GRM1: variants seen among roughly 807,000 people sequenced by gnomAD.
GRM1 encodes glutamate metabotropic receptor 1.
GRM1 carries 33 observed loss-of-function variants against 90.9 expected under a neutral mutation model. That is an observed-to-expected ratio of 0.36 (90% confidence interval 0.28 to 0.49). The LOEUF (loss-of-function observed/expected upper bound fraction) is 0.49. GRM1 is among the 20% of genes least tolerant of loss of function. The pLI is 0.99. For missense variants in GRM1, 1,190 were observed against 1,534.3 expected (o/e 0.78, Z 3.75); for synonymous variants, 700 against 613.2 (o/e 1.14, Z -2.09).
chr6:146,388,465 A>G (rs527603693), intron 6 of GRM1, among the ~76,000 whole-genome samples: 2 of 152,208 alleles, frequency 1.3e-5, no homozygotes, highest in Admixed American at 1.3e-4. Context: ...AGGTAAGTAG[A>G]ACTAGGTCAC....
At chr6:146,112,002 A>G (rs1029387628) in intron 1 of GRM1, among the ~76,000 whole-genome samples, 3 of 152,248 alleles carry the variant, frequency 2.0e-5, no homozygotes, top group Admixed American at 6.5e-5. Flanking sequence ...GTGGCACTCT[A>G]TGACACACAT....
chr6:146,357,829 G>C (rs1785649018), intron 5 of GRM1, 135 bp downstream of exon 5: 1 of 740,302 alleles, frequency 1.4e-6, no homozygotes. Context: ...TTTGGCTCTT[G>C]AGTTTAGGTA....
At chr6:146,330,376 T>C (rs763915344) in intron 3 of GRM1, among the ~76,000 whole-genome samples, 12 of 152,168 alleles carry the variant, frequency 7.9e-5, no homozygotes, top group Non-Finnish European at 1.6e-4. Context: ...AGGGAAACAA[T>C]GTAAAATTAT....
rs149622015 is a variant in GRM1, at chr6:146,381,918, T to G, written c.1603-4972T>G. ...AATCCATTTCCGGTTGCTTCAGAAA[T>G]GTAGTCCCAAAGTGGACATTTAATT... is the stretch of plus-strand genomic sequence containing the variant. On this transcript the variant is annotated intron_variant, in intron 5 of 7. Transcript: ENST00000282753. Among the ~76,000 whole-genome samples, 683 of 152,326 alleles carry G rather than the reference T, an allele frequency of 4.5e-3. 5 individuals are homozygous for G. The highest frequency in any genetic ancestry group is 5.3e-3 in the Non-Finnish European group (361 of 68,026).
chr6:146,415,006 G>T lies in GRM1; in HGVS notation c.2660+15307G>T, dbSNP rs547203122. 7.9e-5 allele frequency among the ~76,000 whole-genome samples: 12 copies of T among 152,176 alleles called. No homozygotes were observed. In the South Asian group the frequency reaches 1.5e-3, roughly 18 times the overall value. On this transcript the variant is annotated intron_variant, in intron 7 of 7. Coordinates refer to ENST00000282753, the MANE Select transcript of GRM1 (RefSeq NM_001278064.2). ...ATTATTACTGTATTGCATTATTACT[G>T]TACTACATCTTGTAATACATAAGCA...
chr6:146,281,452 G>A (rs547634600), intron 2 of GRM1, among the ~76,000 whole-genome samples: 2 of 152,210 alleles, frequency 1.3e-5, no homozygotes, highest in African/African-American at 2.4e-5. Flanking sequence ...CCCACTGAGC[G>A]AACTCAGACT....
intron 3 of GRM1, among the ~76,000 whole-genome samples, chr6:146,320,653 A>G (rs1362876368): frequency 6.6e-6 from 1 of 151,412 alleles, no homozygotes; most frequent in Non-Finnish European, 1.5e-5. Context: ...AGAACTTGTT[A>G]TTGTTCTATT....
intron 7 of GRM1, among the ~76,000 whole-genome samples, chr6:146,424,683 G>T (rs933628816): frequency 5.9e-5 from 9 of 152,216 alleles, no homozygotes; most frequent in Non-Finnish European, 1.3e-4. Flanking sequence ...CCGTGAAGCT[G>T]GTCCTGCCAG....
At chr6:146,179,998 A>G (rs1342802439) in intron 2 of GRM1, among the ~76,000 whole-genome samples, 1 of 152,122 alleles carries the variant, frequency 6.6e-6, no homozygotes, top group African/African-American at 2.4e-5. Context: ...TAAGAAAAAA[A>G]TTAACTGGAG....
intron 3 of GRM1, among the ~76,000 whole-genome samples, chr6:146,320,867 T>A (rs1055574094): frequency 6.6e-6 from 1 of 152,182 alleles, no homozygotes; most frequent in Non-Finnish European, 1.5e-5. Context: ...CTTTTCTTCT[T>A]TATTAGTCTG....
intron 1 of GRM1, among the ~76,000 whole-genome samples, chr6:146,039,058 G>A (rs1231630758): frequency 6.6e-6 from 1 of 151,938 alleles, no homozygotes. Context: ...ATGTTTTGTA[G>A]CACATTCTTT....
chr6:146,105,683 A>G (rs1777202719), intron 1 of GRM1, among the ~76,000 whole-genome samples: 1 of 152,232 alleles, frequency 6.6e-6, no homozygotes, highest in Non-Finnish European at 1.5e-5. Flanking sequence ...TTAGCATAGT[A>G]TATGTATTTT....
At chr6:146,048,937 T>G (rs200810718) in intron 1 of GRM1, among the ~76,000 whole-genome samples, 2 of 151,948 alleles carry the variant, frequency 1.3e-5, no homozygotes, top group East Asian at 3.9e-4. Flanking sequence ...TTTTTGTTGT[T>G]TAAGCCACCC....
chr6:146,150,658 T>C (rs1467350268), intron 1 of GRM1, among the ~76,000 whole-genome samples: 1 of 152,150 alleles, frequency 6.6e-6, no homozygotes, highest in African/African-American at 2.4e-5. Flanking sequence ...GATATTCATT[T>C]TATCTAGCTG....
chr6:146,054,972 G>A (rs1775430978), intron 1 of GRM1, among the ~76,000 whole-genome samples: 1 of 151,932 alleles, frequency 6.6e-6, no homozygotes, highest in South Asian at 2.1e-4. Context: ...GGGGGTGGAG[G>A]GGAGCTGAGT....
intron 1 of GRM1, among the ~76,000 whole-genome samples, chr6:146,135,642 T>G (rs1017014993): frequency 6.6e-6 from 1 of 152,170 alleles, no homozygotes; most frequent in African/African-American, 2.4e-5. Context: ...AGGGCTTTTA[T>G]TTTATTTTTA....
intron 1 of GRM1, among the ~76,000 whole-genome samples, chr6:146,090,560 A>T (rs1776681862): frequency 6.6e-6 from 1 of 152,068 alleles, no homozygotes. Flanking sequence ...GAGCAAAATA[A>T]ACTCTCTTAA....
intron 3 of GRM1, among the ~76,000 whole-genome samples, chr6:146,315,243 A>T (rs1383928313): frequency 6.6e-6 from 1 of 152,090 alleles, no homozygotes; most frequent in East Asian, 1.9e-4. Flanking sequence ...AAACAATCTA[A>T]ATAGATACTA....
At chr6:146,333,951 T>C (rs1303769888) in intron 3 of GRM1, among the ~76,000 whole-genome samples, 1 of 151,960 alleles carries the variant, frequency 6.6e-6, no homozygotes, top group Non-Finnish European at 1.5e-5. Context: ...TAGTAAATAA[T>C]AGGGAAAATA....
Sources: allele counts gnomAD v4.1 joint callset (sites outside exome capture counted in the v4.1 genomes callset), GRCh38; gene constraint gnomAD v4.1.1; transcripts MANE v1.5; gene names NCBI Gene and HGNC (gene_info 2026-07-23, HGNC 2026-07-21).